The following ADGRG2 variants were observed in gnomAD, a reference collection of about 807,000 sequenced individuals.
ADGRG2 encodes the protein adhesion G protein-coupled receptor G2, also known as G protein-coupled receptor 64.
ADGRG2 carries 26 observed loss-of-function variants against 74.1 expected under a neutral mutation model. That is an observed-to-expected ratio of 0.35 (90% CI 0.26 to 0.49). The LOEUF (loss-of-function observed/expected upper bound fraction) is 0.49. Ranked by LOEUF, ADGRG2 falls within the 20% of genes least tolerant of loss-of-function variation. The pLI, the probability that ADGRG2 is intolerant of heterozygous loss-of-function variation, is 0.99. For missense variants in ADGRG2, 619 were observed against 763.1 expected, an observed-to-expected ratio of 0.81 and a Z score of 2.22; for synonymous variants, 296 against 295.2, an observed-to-expected ratio of 1.00 and a Z score of -0.03.
Position 19,035,978 on chromosome X carries a change from C to T in ADGRG2, c.227-1G>A. On this transcript the variant is annotated splice_acceptor_variant, in intron 6 of 28. Coordinates refer to ENST00000379869, the MANE Select transcript of ADGRG2 (RefSeq NM_001079858.3). LOFTEE classifies it high-confidence loss of function. ...GAAGGGAGTAAGCTTAAAGTAACAT[C>T]TGAAATAAAATAATAAAAATTAGCA... is the stretch of plus-strand genomic sequence containing the variant. 1 of 946,504 alleles carries T rather than the reference C, an allele frequency of 1.1e-6. No individual in the cohort carries two copies. The highest frequency in any genetic ancestry group is 2.7e-4 in the Middle Eastern group (1 of 3,710). The allele number at this position is 946,504 out of a possible 1,213,427, so 78.0% of individuals were successfully genotyped here.
intron 2 of ADGRG2, among the ~76,000 whole-genome samples, chrX:19,070,002 C>T (rs189478364): frequency 1.3e-4 from 14 of 111,932 alleles, no homozygotes; most frequent in African/African-American, 4.2e-4. Flanking sequence ...GCTCGGGGGT[C>T]GCGGGCAACC....
Position 19,006,197 on chromosome X carries a change from A to G in ADGRG2, c.1735+23T>C. ...CCCAATTAACCCACTCAAGAGTTTG[A>G]AAAGGTTATGACTGGAACTTACCAT... On this transcript the variant is annotated intron_variant, in intron 21 of 28. Coordinates refer to ENST00000379869, the MANE Select transcript of ADGRG2 (RefSeq NM_001079858.3). 2.6e-6 allele frequency: 3 copies of G among 1,167,109 alleles called. No homozygotes were observed. The South Asian group carries it at 5.4e-5, about 21-fold the overall frequency.
At chrX:19,005,541 G>C (rs1425173553) in intron 22 of ADGRG2, among the ~76,000 whole-genome samples, 1 of 108,302 alleles carries the variant, frequency 9.2e-6, no homozygotes, top group Non-Finnish European at 1.9e-5. Flanking sequence ...TATTAGAAGA[G>C]GAATCTCTCT....
At chrX:19,028,649 G>A (rs1158103234) in intron 9 of ADGRG2, among the ~76,000 whole-genome samples, 3 of 108,736 alleles carry the variant, frequency 2.8e-5, no homozygotes, top group East Asian at 5.7e-4. Flanking sequence ...GACAACTGAT[G>A]AGCTAAAAAA....
At chrX:19,012,436 T>C (rs763621294) in intron 16 of ADGRG2, among the ~76,000 whole-genome samples, 77 of 110,690 alleles carry the variant, frequency 7.0e-4, no homozygotes, top group African/African-American at 2.4e-3. Context: ...TCATCAGCCA[T>C]TGGACCTTCC....
At chrX:19,033,426 C>T in intron 8 of ADGRG2, 187 bp downstream of exon 8, 2 of 342,470 alleles carry the variant, frequency 5.8e-6, no homozygotes, top group Non-Finnish European at 1.0e-5. Flanking sequence ...TGTGTCTGAT[C>T]ATTATTATAT....
chrX:19,006,844 G>C (rs1169216306), intron 20 of ADGRG2, among the ~76,000 whole-genome samples: 1 of 99,296 alleles, frequency 1.0e-5, no homozygotes, highest in Non-Finnish European at 2.0e-5. Flanking sequence ...CTGCAGCCTT[G>C]AGCTCCCGGG....
At chrX:19,077,295 G>A in intron 2 of ADGRG2, among the ~76,000 whole-genome samples, 1 of 92,000 alleles carries the variant, frequency 1.1e-5, no homozygotes. Flanking sequence ...TCAGGAATTT[G>A]AGACCAGCCT....
rs780815485 is a variant in ADGRG2 at position 19,008,077 on chromosome X, G to A, written c.1469C>T (p.Thr490Ile). 8 of 1,196,015 alleles carry A rather than the reference G, an allele frequency of 6.7e-6. No homozygotes were observed. Among genetic ancestry groups the A allele is most frequent in the Non-Finnish European group, 7.9e-6 (7 of 881,766 alleles). Residue 490 changes from threonine (T) to isoleucine (I), a missense_variant, in exon 19 of 29, where the codon ACT becomes ATT. Physicochemically the swap from Thr to Ile is moderately conservative, Grantham distance 89 (BLOSUM62 -1). Transcript: ENST00000379869. ...ATTATTCATCAGCGATGAAGGAAGA[G>A]TAATTGTGCCAATACTGTTCTCAGG... ...QAPENSIGTI[T>I]LPSSLMNNLP...
chrX:18,996,873 T>A (rs907913574), intron 26 of ADGRG2, among the ~76,000 whole-genome samples: 2 of 111,440 alleles, frequency 1.8e-5, no homozygotes, highest in Non-Finnish European at 3.8e-5. Context: ...AATTCTGGGT[T>A]CTCTGCTTTC....
At chrX:19,081,910 C>T (rs1310009237) in intron 2 of ADGRG2, among the ~76,000 whole-genome samples, 1 of 107,674 alleles carries the variant, frequency 9.3e-6, no homozygotes, top group African/African-American at 3.4e-5. Context: ...CCCGTCTCTA[C>T]AAAAAATAAA....
At chrX:19,007,092 G>A in intron 20 of ADGRG2, 143 bp downstream of exon 20, 1 of 536,113 alleles carries the variant, frequency 1.9e-6, no homozygotes, top group African/African-American at 2.3e-5. Flanking sequence ...CCAATGGAGA[G>A]ATGTGATTCT....
intron 1 of ADGRG2, among the ~76,000 whole-genome samples, chrX:19,098,022 G>T (rs1310870213): frequency 8.8e-6 from 1 of 113,169 alleles, no homozygotes; most frequent in Admixed American, 9.3e-5. Context: ...TACAAAGAAA[G>T]TTAGCAATTC....
At chrX:19,081,658 T>C (rs2061848176) in intron 2 of ADGRG2, among the ~76,000 whole-genome samples, 2 of 112,390 alleles carry the variant, frequency 1.8e-5, no homozygotes, top group South Asian at 7.4e-4. Flanking sequence ...AATGTGTTAT[T>C]TATCATGTAA....
At chrX:19,092,024 C>T (rs2062024618) in intron 1 of ADGRG2, among the ~76,000 whole-genome samples, 1 of 112,285 alleles carries the variant, frequency 8.9e-6, no homozygotes, top group South Asian at 3.7e-4. Flanking sequence ...TCAGCTAAGG[C>T]AAGTGAGGAT....
At chrX:19,061,574 G>GCACCAAAACA (rs1428902533) in intron 3 of ADGRG2, among the ~76,000 whole-genome samples, 2 of 111,600 alleles carry the variant, frequency 1.8e-5, no homozygotes, top group Non-Finnish European at 3.8e-5. Context: ...AGAAACAATA[G>GCACCAAAACA]CACCAAAACA....
chrX:19,053,352 G>T (rs977318111), intron 3 of ADGRG2, among the ~76,000 whole-genome samples: 1 of 110,768 alleles, frequency 9.0e-6, no homozygotes, highest in Non-Finnish European at 1.9e-5. Context: ...GGATTTTGCG[G>T]GGCGGAGGGG....
chrX:19,075,253 A>AT (rs979946939), intron 2 of ADGRG2, among the ~76,000 whole-genome samples: 2 of 110,330 alleles, frequency 1.8e-5, no homozygotes, highest in African/African-American at 6.6e-5. Flanking sequence ...AAATGAAAAA[A>AT]AAAAACAAAA....
intron 26 of ADGRG2, among the ~76,000 whole-genome samples, chrX:18,998,000 A>T (rs1458473996): frequency 2.7e-5 from 3 of 112,776 alleles, no homozygotes; most frequent in Non-Finnish European, 5.6e-5. Context: ...CGTCTTTCAT[A>T]ACACTGCTCT....
Sources: gnomAD v4.1 joint callset for allele counts (sites outside exome capture counted in the v4.1 genomes callset) on GRCh38, gnomAD v4.1.1 for gene constraint, MANE v1.5 for transcripts, NCBI Gene and HGNC (gene_info 2026-07-23, HGNC 2026-07-21) for gene names.